FGF14: variants seen among roughly 807,000 people sequenced by gnomAD.
FGF14 encodes fibroblast growth factor homologous factor 4.
Under a neutral mutation model 25.5 loss-of-function variants are expected in FGF14, and 5 were observed. The ratio of observed to expected loss-of-function variants is 0.20; its 90% CI spans 0.10 to 0.41. FGF14 has a LOEUF of 0.41. Among genes scored for constraint, FGF14 ranks in the 10% least tolerant of loss-of-function variants. FGF14 has a pLI of 1.00. For synonymous variants in FGF14, 138 were observed against 118.3 expected (o/e 1.17, Z -1.08); for missense variants, 222 against 320.1 (o/e 0.69, Z 2.34).
intron 1 of FGF14, among the ~76,000 whole-genome samples, chr13:101,994,623 T>C (rs1027479691): frequency 1.3e-5 from 2 of 152,106 alleles, no homozygotes. Flanking sequence ...GTGCAACTTT[T>C]ATTTCATTTC....
intron 1 of FGF14, among the ~76,000 whole-genome samples, chr13:101,946,363 C>CAAA (rs59866034): frequency 0.037 from 3,436 of 91,792 alleles, 166 homozygotes; most frequent in African/African-American, 0.11. Flanking sequence ...GCTTCTCCAT[C>CAAA]AAAAAAAAAA....
At chr13:101,753,288 CACACAGACAG>C (rs2037418388) in intron 3 of FGF14, among the ~76,000 whole-genome samples, 1 of 116,176 alleles carries the variant, frequency 8.6e-6, no homozygotes, top group Admixed American at 1.0e-4. Flanking sequence ...CACACAGACA[CACACAGACAG>C]ACACACACAC....
rs558404977 is a variant in FGF14, at chr13:102,321,257, C to G, written c.208+80214G>C. Among the ~76,000 whole-genome samples the G allele has an allele frequency of 5.1e-4, 77 of 152,142 alleles. 1 individual carries two copies. The highest frequency in any genetic ancestry group is 1.8e-3 in the African/African-American group (73 of 41,508). On this transcript the variant is annotated intron_variant, in intron 1 of 4. Coordinates refer to the FGF14 transcript ENST00000376131. ...AGCTTTCAATTCAGTGCTGGAAATT[C>G]AAGTTATATGGACTGTTTTAATTTC...
At chr13:102,275,261 T>TG (rs756590149) in intron 1 of FGF14, among the ~76,000 whole-genome samples, 1 of 63,384 alleles carries the variant, frequency 1.6e-5, no homozygotes, top group African/African-American at 6.4e-5. Flanking sequence ...TCTCTCTCTC[T>TG]TTCTCTCTCT....
At chr13:102,179,712 ATTCT>A (rs1386226822) in intron 1 of FGF14, among the ~76,000 whole-genome samples, 2 of 152,170 alleles carry the variant, frequency 1.3e-5, no homozygotes, top group Non-Finnish European at 2.9e-5. Flanking sequence ...CAAAGACCAC[ATTCT>A]TTATCACTAT....
intron 1 of FGF14, among the ~76,000 whole-genome samples, chr13:102,267,904 C>T (rs2053066398): frequency 6.6e-6 from 1 of 151,710 alleles, no homozygotes; most frequent in Admixed American, 6.6e-5. Flanking sequence ...GAGAAAACTA[C>T]TAAAAGAAGC....
chr13:101,812,757 G>C (rs1373682823), intron 3 of FGF14, among the ~76,000 whole-genome samples: 1 of 140,286 alleles, frequency 7.1e-6, no homozygotes, highest in Non-Finnish European at 1.5e-5. Flanking sequence ...CTGCCTCCCA[G>C]CCTGGTTCAA....
rs149904381 is a variant in FGF14 at position 101,885,781 on chromosome 13, G to A, written c.194-10485C>T. ...GAGCTGCAAAGAAGGACAAGATCTG[G>A]AAGGTTTGCAGCTAGCCCTCAATGA... On this transcript the variant is annotated intron_variant, in intron 1 of 4. Coordinates refer to ENST00000376143, the MANE Select transcript of FGF14 (RefSeq NM_004115.4). Among the ~76,000 whole-genome samples, 1,265 of 151,894 alleles carry A rather than the reference G, an allele frequency of 8.3e-3. 11 individuals are homozygous for A. The highest frequency in any genetic ancestry group is 0.014 in the Non-Finnish European group (920 of 67,982).
Position 102,210,366 on chromosome 13 carries a change from C to T in FGF14, c.208+191105G>A, listed in dbSNP as rs143677735. On this transcript the variant is annotated intron_variant, in intron 1 of 4. Transcript: ENST00000376131. ...ATGAATAGCAGTAGTGAACAAATCA[C>T]GGTAGTTTCCAGATATAATCATATA... Among the ~76,000 whole-genome samples, 224 of 152,076 alleles carry T rather than the reference C, an allele frequency of 1.5e-3. 1 individual carries two copies. In the East Asian group the frequency reaches 0.017, roughly 11 times the overall value.
Position 102,374,644 on chromosome 13 carries a change from T to TTA in FGF14, c.208+26825_208+26826dup, listed in dbSNP as rs55670716. ...TTTTTTAATACATATCTTACATATTTTATATATATATATATATATATATAT... is the reference window on the plus strand; with the variant it reads ...TTTTTTAATACATATCTTACATATTTTATATATATATATATATATATATATAT... On this transcript the variant is annotated intron_variant, in intron 1 of 4. Coordinates refer to the FGF14 transcript ENST00000376131. Among the ~76,000 whole-genome samples the TTA allele has an allele frequency of 9.2e-3, 454 of 49,126 alleles. 14 individuals are homozygous for TTA. Among genetic ancestry groups the TTA allele is most frequent in the Non-Finnish European group, 0.011 (275 of 25,338 alleles). The allele number at this position is 49,126 out of a possible 152,430, so 32.2% of individuals were successfully genotyped here. A position where few individuals can be genotyped will look rare whatever the true frequency, so the allele number is the denominator to read the frequency against.
At chr13:102,304,403 C>T (rs1008129962) in intron 1 of FGF14, among the ~76,000 whole-genome samples, 4 of 152,124 alleles carry the variant, frequency 2.6e-5, no homozygotes, top group Admixed American at 6.6e-5. Flanking sequence ...GCTCCTGATT[C>T]TTCCCTAACA....
At chr13:102,318,375 T>C (rs911337071) in intron 1 of FGF14, among the ~76,000 whole-genome samples, 1 of 152,160 alleles carries the variant, frequency 6.6e-6, no homozygotes, top group African/African-American at 2.4e-5. Flanking sequence ...CCTAGGCTGC[T>C]GTAACAAGGC....
intron 1 of FGF14, among the ~76,000 whole-genome samples, chr13:102,130,414 C>G (rs577835964): frequency 3.3e-5 from 5 of 152,146 alleles, no homozygotes; most frequent in South Asian, 2.1e-4. Context: ...GAACCTTTCA[C>G]GTATCACATC....
At chr13:102,136,106 T>G (rs572082361) in intron 1 of FGF14, among the ~76,000 whole-genome samples, 1 of 152,294 alleles carries the variant, frequency 6.6e-6, no homozygotes, top group East Asian at 1.9e-4. Flanking sequence ...TTTAGCTTAA[T>G]GATAATGATA....
chr13:102,314,455 T>C (rs2055922827), intron 1 of FGF14, among the ~76,000 whole-genome samples: 1 of 152,160 alleles, frequency 6.6e-6, no homozygotes, highest in Non-Finnish European at 1.5e-5. Flanking sequence ...ACGGTATATG[T>C]TACTTCAACA....
At chr13:101,941,639 C>T (rs986745513) in intron 1 of FGF14, among the ~76,000 whole-genome samples, 5 of 152,082 alleles carry the variant, frequency 3.3e-5, no homozygotes, top group African/African-American at 4.8e-5. Flanking sequence ...GCAAAAGAGG[C>T]CATTTCTAGT....
At chr13:101,952,502 A>G (rs1428783203) in intron 1 of FGF14, among the ~76,000 whole-genome samples, 1 of 152,098 alleles carries the variant, frequency 6.6e-6, no homozygotes, top group Non-Finnish European at 1.5e-5. Flanking sequence ...GTTGCATAAG[A>G]ATAATAAATC....
chr13:102,398,038 G>GTGTGTT (rs1164245979), intron 1 of FGF14, among the ~76,000 whole-genome samples: 1 of 151,928 alleles, frequency 6.6e-6, no homozygotes, highest in Non-Finnish European at 1.5e-5. Context: ...GTGTGTGTGT[G>GTGTGTT]TGTGTGTGTG....
At chr13:102,065,298 G>A (rs1039948257) in intron 1 of FGF14, among the ~76,000 whole-genome samples, 4 of 151,952 alleles carry the variant, frequency 2.6e-5, no homozygotes, top group Admixed American at 1.3e-4. Context: ...ATTCATATAC[G>A]ATCTACTGTG....
Sources: allele counts gnomAD v4.1 joint callset (sites outside exome capture counted in the v4.1 genomes callset), GRCh38; gene constraint gnomAD v4.1.1; transcripts MANE v1.5; gene names NCBI Gene and HGNC (gene_info 2026-07-23, HGNC 2026-07-21).